Variants in SLC25A21 observed in about 807,000 individuals in gnomAD.
The protein encoded by SLC25A21 is solute carrier family 25 member 21, also known as mitochondrial 2-oxodicarboxylate carrier.
Under a neutral mutation model 43.8 loss-of-function variants are expected in SLC25A21, and 47 were observed. That is an observed-to-expected ratio of 1.07 (90% confidence interval 0.85 to 1.37). SLC25A21 has a LOEUF of 1.37. Ranked by LOEUF, SLC25A21 falls within the 40% of genes most tolerant of loss-of-function variation. SLC25A21 has a pLI of 0.00. For missense variants in SLC25A21, 352 were observed against 350.2 expected, an observed-to-expected ratio of 1.00 and a Z score of -0.04; for synonymous variants, 131 against 121.3, an observed-to-expected ratio of 1.08 and a Z score of -0.52.
rs894082489 is a variant in SLC25A21 at position 36,678,778 on chromosome 14, A to T, written c.*1880T>A. ...TGGTTCTTGTATTTTAAAAAATCTA[A>T]TATTAATGGTATTGAAGTTTCCTTT... On this transcript the variant is annotated 3_prime_UTR_variant, in exon 10 of 10. Coordinates refer to ENST00000331299, the MANE Select transcript of SLC25A21 (RefSeq NM_030631.4). 1 of 1,061,620 alleles carries T rather than the reference A, an allele frequency of 9.4e-7. No individual in the cohort carries two copies. The highest frequency in any genetic ancestry group is 4.8e-5 in the Admixed American group (1 of 20,962). 65.8% of individuals were successfully genotyped at this position (1,061,620 alleles called of 1,614,324 possible). A position where few individuals can be genotyped will look rare whatever the true frequency, so the allele number is the denominator to read the frequency against.
intron 1 of SLC25A21, among the ~76,000 whole-genome samples, chr14:37,137,902 A>G (rs1459523495): frequency 6.6e-6 from 1 of 152,236 alleles, no homozygotes; most frequent in Non-Finnish European, 1.5e-5. Context: ...TGAAAAAATT[A>G]AAGTATGCTA....
intron 1 of SLC25A21, among the ~76,000 whole-genome samples, chr14:37,107,163 T>A (rs987092730): frequency 3.9e-5 from 6 of 152,108 alleles, no homozygotes; most frequent in Admixed American, 1.3e-4. Flanking sequence ...GCAGGATCTT[T>A]ATCTGTGATC....
At chr14:36,992,686 T>C (rs889860370) in intron 1 of SLC25A21, among the ~76,000 whole-genome samples, 13 of 152,164 alleles carry the variant, frequency 8.5e-5, no homozygotes, top group African/African-American at 3.1e-4. Context: ...ACTTTTTTTT[T>C]CCAGGAACTT....
At chr14:36,977,309 T>C (rs1003436385) in intron 1 of SLC25A21, among the ~76,000 whole-genome samples, 6 of 152,208 alleles carry the variant, frequency 3.9e-5, no homozygotes, top group Admixed American at 1.3e-4. Flanking sequence ...GGAGACTTAT[T>C]GCATTGACCA....
intron 1 of SLC25A21, among the ~76,000 whole-genome samples, chr14:37,083,878 T>A (rs551895998): frequency 2.0e-5 from 3 of 152,350 alleles, no homozygotes; most frequent in African/African-American, 7.2e-5. Context: ...CATAACTTAC[T>A]AATGGTGTTA....
chr14:36,853,913 A>G (rs1391364080), intron 2 of SLC25A21, among the ~76,000 whole-genome samples: 1 of 152,186 alleles, frequency 6.6e-6, no homozygotes, highest in Non-Finnish European at 1.5e-5. Context: ...CCCCTTCTAT[A>G]TAAAAGTAGG....
At chr14:36,764,170 AAGAAAGAAAGAAAGAAAGAAAGAGAAAG>A (rs1566588222) in intron 3 of SLC25A21, among the ~76,000 whole-genome samples, 1 of 73,510 alleles carries the variant, frequency 1.4e-5, no homozygotes, top group African/African-American at 7.4e-5. Flanking sequence ...GAAAGAAAGA[AAGAAAGAAAGAAAGAAAGAAAGAGAAAG>A]AAAGAAACTG....
intron 1 of SLC25A21, among the ~76,000 whole-genome samples, chr14:36,967,013 C>T (rs991507165): frequency 2.0e-5 from 3 of 152,002 alleles, no homozygotes; most frequent in Non-Finnish European, 4.4e-5. Flanking sequence ...CCCTTAGCTC[C>T]ATCTAAATAT....
intron 1 of SLC25A21, among the ~76,000 whole-genome samples, chr14:36,934,971 A>T (rs1343035259): frequency 6.6e-6 from 1 of 151,848 alleles, no homozygotes; most frequent in Non-Finnish European, 1.5e-5. Context: ...AAAAAAATCC[A>T]ACAGCTAAAA....
intron 1 of SLC25A21, among the ~76,000 whole-genome samples, chr14:37,148,311 T>A (rs776331442): frequency 4.4e-4 from 67 of 152,332 alleles, no homozygotes; most frequent in Admixed American, 1.3e-3. Flanking sequence ...AAAAAATATT[T>A]TTGTGTGTAG....
chr14:36,823,067 A>G, intron 2 of SLC25A21, among the ~76,000 whole-genome samples: 1 of 152,230 alleles, frequency 6.6e-6, no homozygotes, highest in Non-Finnish European at 1.5e-5. Context: ...TTGTGATAAG[A>G]GAGTTTATTC....
intron 1 of SLC25A21, among the ~76,000 whole-genome samples, chr14:36,998,139 G>A (rs985816885): frequency 6.6e-6 from 1 of 152,134 alleles, no homozygotes; most frequent in Non-Finnish European, 1.5e-5. Flanking sequence ...CTATTTTATG[G>A]TAAAATAAGT....
At chr14:36,753,919 CAGAGAGAGAGAGAG>C (rs56871881) in intron 3 of SLC25A21, among the ~76,000 whole-genome samples, 6,176 of 130,116 alleles carry the variant, frequency 0.047, 173 homozygotes, top group Non-Finnish European at 0.073. Flanking sequence ...TCACTGGGGA[CAGAGAGAGAGAGAG>C]AGAGAGAGAG....
At chr14:36,943,790 A>G (rs1892621581) in intron 1 of SLC25A21, among the ~76,000 whole-genome samples, 1 of 152,134 alleles carries the variant, frequency 6.6e-6, no homozygotes, top group Admixed American at 6.5e-5. Flanking sequence ...GCTTGGAAAT[A>G]AGAACAGGGT....
At chr14:36,682,970 C>G (rs1882350920) in intron 9 of SLC25A21, among the ~76,000 whole-genome samples, 1 of 151,996 alleles carries the variant, frequency 6.6e-6, no homozygotes, top group Non-Finnish European at 1.5e-5. Flanking sequence ...GTTTGTGTAG[C>G]AGGGTAGGAG....
At chr14:36,847,251 A>T (rs1665063768) in intron 2 of SLC25A21, among the ~76,000 whole-genome samples, 3 of 152,252 alleles carry the variant, frequency 2.0e-5, no homozygotes, top group Admixed American at 2.0e-4. Context: ...TGAATGGGTG[A>T]GTAAACAGAT....
chr14:37,137,039 C>G (rs994126299), intron 1 of SLC25A21, among the ~76,000 whole-genome samples: 1 of 152,140 alleles, frequency 6.6e-6, no homozygotes, highest in Non-Finnish European at 1.5e-5. Context: ...CTCGCTCTGT[C>G]GCCCAGGCTG....
At position 36,933,555 on chromosome 14, in the gene SLC25A21, A is replaced by T. The variant is rs77915556; in HGVS notation, c.71-58551T>A. Among the ~76,000 whole-genome samples, 1,095 of 152,286 alleles carry T rather than the reference A, an allele frequency of 7.2e-3. 17 individuals are homozygous for T. The highest frequency in any genetic ancestry group is 0.024 in the African/African-American group (1,012 of 41,570). ...TTGTTATAAAAGATGCAAGCCCTCAAAGAAGATACTTTCTCAAGAAAATTG... is the reference window on the plus strand; with the variant it reads ...TTGTTATAAAAGATGCAAGCCCTCATAGAAGATACTTTCTCAAGAAAATTG... On this transcript the variant is annotated intron_variant, in intron 1 of 9. Coordinates refer to ENST00000331299, the MANE Select transcript of SLC25A21 (RefSeq NM_030631.4).
At position 36,678,751 on chromosome 14, in the gene SLC25A21, T is replaced by TC; in HGVS notation, c.*1906dup. On this transcript the variant is annotated 3_prime_UTR_variant, in exon 10 of 10. Coordinates refer to ENST00000331299, the MANE Select transcript of SLC25A21 (RefSeq NM_030631.4). ...GTTATTGTGCTATTTATAATTTTTT[T>TC]CTGGTTCTTGTATTTTAAAAAATCT... 1 of 1,135,776 alleles carries TC rather than the reference T, an allele frequency of 8.8e-7. No individual in the cohort carries two copies. The highest frequency in any genetic ancestry group is 1.1e-6 in the Non-Finnish European group (1 of 921,020). The allele number at this position is 1,135,776 out of a possible 1,614,324, so 70.4% of individuals were successfully genotyped here. A position where few individuals can be genotyped will look rare whatever the true frequency, so the allele number is the denominator to read the frequency against.
Sources: allele counts gnomAD v4.1 joint callset (sites outside exome capture counted in the v4.1 genomes callset), GRCh38; gene constraint gnomAD v4.1.1; transcripts MANE v1.5; gene names NCBI Gene and HGNC (gene_info 2026-07-23, HGNC 2026-07-21).